The following TAOK1 variants were observed in gnomAD, a reference collection of about 807,000 sequenced individuals.
The protein encoded by TAOK1 is TAO kinase 1, also known as serine/threonine-protein kinase TAO1.
TAOK1 carries 21 observed loss-of-function variants against 138.3 expected under a neutral mutation model. The ratio of observed to expected loss-of-function variants is 0.15; its 90% CI spans 0.11 to 0.22. The LOEUF (loss-of-function observed/expected upper bound fraction) is 0.22, where lower values mean the gene tolerates loss of function less well. Ranked by LOEUF, TAOK1 falls within the 10% of genes least tolerant of loss-of-function variation. The probability of loss-of-function intolerance (pLI) is 1.00; values close to 1 mark genes in which losing one functional copy is unlikely to be tolerated. For missense variants in TAOK1, 651 were observed against 1,227.7 expected (o/e 0.53, Z 7.02); for synonymous variants, 361 against 398.4 (o/e 0.91, Z 1.12).
At chr17:29,531,693 G>A (rs892008477) in intron 18 of TAOK1, among the ~76,000 whole-genome samples, 26 of 151,518 alleles carry the variant, frequency 1.7e-4, no homozygotes, top group Admixed American at 1.6e-3. Context: ...AACCCCGGGG[G>A]CAGAGGTTGC....
chr17:29,419,725 C>T (rs1037903142), intron 1 of TAOK1, among the ~76,000 whole-genome samples: 2 of 151,490 alleles, frequency 1.3e-5, no homozygotes, highest in Non-Finnish European at 2.9e-5. Context: ...AACTCCTGAG[C>T]TCAAGCGATC....
chr17:29,450,777 A>G lies in TAOK1; in HGVS notation c.-94-678A>G, dbSNP rs375559258. On this transcript the variant is annotated intron_variant, in intron 1 of 19. Transcript: ENST00000261716. ...GCGATCCTCCTGCCTTGACCTCCCA[A>G]AGAGCTGGGATTACAGGCATGAGCC... Among the ~76,000 whole-genome samples, 65 of 152,258 alleles carry G rather than the reference A, an allele frequency of 4.3e-4. No individual in the cohort carries two copies. In the East Asian group the frequency reaches 9.3e-3, roughly 22 times the overall value.
At chr17:29,448,183 A>G (rs193087497) in intron 1 of TAOK1, among the ~76,000 whole-genome samples, 1 of 151,488 alleles carries the variant, frequency 6.6e-6, no homozygotes, top group African/African-American at 2.4e-5. Flanking sequence ...CAGTACTCGT[A>G]TAGTTTCTTT....
intron 1 of TAOK1, among the ~76,000 whole-genome samples, chr17:29,448,675 A>G (rs1206508684): frequency 1.3e-5 from 2 of 152,172 alleles, no homozygotes; most frequent in East Asian, 3.8e-4. Flanking sequence ...AACAACTTTA[A>G]AGTTTTTGTA....
At chr17:29,453,030 G>T (rs914188418) in intron 2 of TAOK1, among the ~76,000 whole-genome samples, 1 of 151,912 alleles carries the variant, frequency 6.6e-6, no homozygotes, top group Non-Finnish European at 1.5e-5. Context: ...TTCTGTGTTT[G>T]TTTGTGGGAC....
intron 2 of TAOK1, among the ~76,000 whole-genome samples, chr17:29,456,599 G>A (rs938890475): frequency 6.6e-6 from 1 of 150,500 alleles, no homozygotes; most frequent in Non-Finnish European, 1.5e-5. Flanking sequence ...TCAGACTGGG[G>A]ATACCCAGCC....
chr17:29,411,075 C>CTTTCTT (rs1240329502), intron 1 of TAOK1, among the ~76,000 whole-genome samples: 2 of 144,932 alleles, frequency 1.4e-5, no homozygotes, highest in Non-Finnish European at 1.5e-5. Flanking sequence ...TACAGAAGTA[C>CTTTCTT]TTTCTTTTTA....
intron 19 of TAOK1, among the ~76,000 whole-genome samples, chr17:29,540,181 T>A (rs2032292747): frequency 6.6e-6 from 1 of 152,210 alleles, no homozygotes; most frequent in African/African-American, 2.4e-5. Context: ...AAACATGTTA[T>A]TAAAGAGGCA....
intron 3 of TAOK1, among the ~76,000 whole-genome samples, chr17:29,475,401 A>G (rs887937655): frequency 6.6e-6 from 1 of 152,098 alleles, no homozygotes; most frequent in African/African-American, 2.4e-5. Context: ...TTAGATGAGC[A>G]TGGTGGTGTG....
chr17:29,431,106 T>TTTTGG (rs747070968), intron 1 of TAOK1, among the ~76,000 whole-genome samples: 3 of 152,172 alleles, frequency 2.0e-5, no homozygotes, highest in African/African-American at 7.2e-5. Flanking sequence ...AGTGATTCCA[T>TTTTGG]TTTGGTTTGG....
rs1004195885 is a variant in TAOK1, at chr17:29,548,773, A to G, written c.*5751A>G. On this transcript the variant is annotated 3_prime_UTR_variant, in exon 20 of 20. Transcript: ENST00000261716. Reference sequence around the variant, plus strand: ...TTTTTTTGTTTTTGTACTAAAGTTTATAGGTCTGTGCCAGCTAGAGAGAAG... The same window carrying G: ...TTTTTTTGTTTTTGTACTAAAGTTTGTAGGTCTGTGCCAGCTAGAGAGAAG... 1.3e-5 allele frequency: 2 copies of G among 152,094 alleles called. No homozygotes were observed. The highest frequency in any genetic ancestry group is 4.8e-5 in the African/African-American group (2 of 41,432). 9.4% of individuals were successfully genotyped at this position (152,094 alleles called of 1,614,324 possible).
chr17:29,524,019 A>G (rs2031965175), intron 17 of TAOK1, among the ~76,000 whole-genome samples: 1 of 152,186 alleles, frequency 6.6e-6, no homozygotes, highest in East Asian at 1.9e-4. Context: ...CATTCAAACA[A>G]GCTGTTCTGA....
At chr17:29,457,089 C>CTTTTTTTTTTTTTTTTTT (rs548221652) in intron 2 of TAOK1, among the ~76,000 whole-genome samples, 11 of 107,404 alleles carry the variant, frequency 1.0e-4, no homozygotes, top group Non-Finnish European at 1.3e-4. Context: ...TTTTCTTTTT[C>CTTTTTTTTTTTTTTTTTT]TTTTTTTTTT....
intron 8 of TAOK1, among the ~76,000 whole-genome samples, chr17:29,485,618 G>C (rs1156630520): frequency 1.3e-5 from 2 of 152,046 alleles, no homozygotes; most frequent in African/African-American, 4.8e-5. Context: ...CAGCCTGAGT[G>C]ATAGAGTGAG....
At chr17:29,419,495 T>TA (rs1353951509) in intron 1 of TAOK1, among the ~76,000 whole-genome samples, 62 of 146,892 alleles carry the variant, frequency 4.2e-4, no homozygotes, top group Non-Finnish European at 7.3e-4. Context: ...CGGCAGTATT[T>TA]TTTTTTTTTT....
At chr17:29,430,336 A>G (rs1484886717) in intron 1 of TAOK1, among the ~76,000 whole-genome samples, 1 of 152,198 alleles carries the variant, frequency 6.6e-6, no homozygotes, top group Admixed American at 6.5e-5. Flanking sequence ...ATGTAACTGA[A>G]GGGTAGCCTG....
At chr17:29,469,970 A>G (rs920035167) in intron 3 of TAOK1, among the ~76,000 whole-genome samples, 2 of 152,346 alleles carry the variant, frequency 1.3e-5, no homozygotes, top group Admixed American at 6.5e-5. Flanking sequence ...GCCTTGTGAA[A>G]TAACATAGGA....
At chr17:29,485,751 C>A (rs896489747) in intron 8 of TAOK1, among the ~76,000 whole-genome samples, 2 of 152,150 alleles carry the variant, frequency 1.3e-5, no homozygotes, top group African/African-American at 4.8e-5. Flanking sequence ...TTTATCTCAC[C>A]CTTTGGTGAT....
intron 2 of TAOK1, among the ~76,000 whole-genome samples, chr17:29,453,974 A>G (rs906143199): frequency 2.0e-5 from 3 of 148,996 alleles, no homozygotes; most frequent in African/African-American, 4.9e-5. Flanking sequence ...AGGCCCAGCT[A>G]ATTTTTTTGC....
Sources: allele counts gnomAD v4.1 joint callset (sites outside exome capture counted in the v4.1 genomes callset), GRCh38; gene constraint gnomAD v4.1.1; transcripts MANE v1.5; gene names NCBI Gene and HGNC (gene_info 2026-07-23, HGNC 2026-07-21).